The following HACD3 variants were observed in gnomAD, a reference collection of about 807,000 sequenced individuals.
HACD3 encodes the protein 3-hydroxyacyl-CoA dehydratase 3, also known as very-long-chain (3R)-3-hydroxyacyl-CoA dehydratase 3.
HACD3 carries 30 observed loss-of-function variants against 55.2 expected under a neutral mutation model. The ratio of observed to expected loss-of-function variants is 0.54; its 90% confidence interval spans 0.41 to 0.74. The LOEUF (loss-of-function observed/expected upper bound fraction) is 0.74, where lower values mean the gene tolerates loss of function less well. Ranked by LOEUF, HACD3 falls within the 30% of genes least tolerant of loss-of-function variation. The pLI is 0.00. For synonymous variants in HACD3, 141 were observed against 151.7 expected (o/e 0.93, Z 0.52); for missense variants, 363 against 440.1 (o/e 0.82, Z 1.57).
At chr15:65,569,784 A>G (rs1402122278) in intron 7 of HACD3, among the ~76,000 whole-genome samples, 2 of 152,194 alleles carry the variant, frequency 1.3e-5, no homozygotes, top group Admixed American at 6.5e-5. Flanking sequence ...GTAGTGCTCT[A>G]TTTCTTAACT....
chr15:65,537,469 A>G (rs1304774093), intron 1 of HACD3, among the ~76,000 whole-genome samples: 1 of 151,860 alleles, frequency 6.6e-6, no homozygotes, highest in African/African-American at 2.4e-5. Flanking sequence ...CCCCTTTACC[A>G]TTCTGAAAAT....
chr15:65,568,418 G>C (rs1260763028), intron 7 of HACD3, among the ~76,000 whole-genome samples: 1 of 151,546 alleles, frequency 6.6e-6, no homozygotes, highest in South Asian at 2.1e-4. Flanking sequence ...GAGTGCAGTG[G>C]TGTGACCTTG....
chr15:65,555,046 G>T lies in HACD3; in HGVS notation c.204+86G>T, dbSNP rs1360186078. On this transcript the variant is annotated intron_variant, in intron 3 of 10. Coordinates refer to ENST00000261875, the MANE Select transcript of HACD3 (RefSeq NM_016395.4). Reference sequence around the variant, plus strand: ...TGAAATGGGGAGCAGGGTTTGTGGAGAGAAGAAGATAAAAACCAAAGGGGA... The same window carrying T: ...TGAAATGGGGAGCAGGGTTTGTGGATAGAAGAAGATAAAAACCAAAGGGGA... The T allele has an allele frequency of 4.6e-6, 5 of 1,085,638 alleles. No individual in the cohort carries two copies. In the African/African-American group the frequency reaches 7.9e-5, roughly 17 times the overall value. 67.3% of individuals were successfully genotyped at this position (1,085,638 alleles called of 1,614,324 possible). A position where few individuals can be genotyped will look rare whatever the true frequency, so the allele number is the denominator to read the frequency against.
At chr15:65,557,160 G>A (rs1477474957) in intron 4 of HACD3, among the ~76,000 whole-genome samples, 1 of 152,180 alleles carries the variant, frequency 6.6e-6, no homozygotes, top group Non-Finnish European at 1.5e-5. Context: ...GAAGTAAAGT[G>A]CAATTCTTAT....
At chr15:65,561,715 G>A (rs2072246238) in intron 5 of HACD3, among the ~76,000 whole-genome samples, 1 of 152,124 alleles carries the variant, frequency 6.6e-6, no homozygotes, top group African/African-American at 2.4e-5. Flanking sequence ...GACACCAGCT[G>A]GGTGCCCTCT....
chr15:65,570,648 C>G (rs16948832), intron 8 of HACD3, among the ~76,000 whole-genome samples: 1 of 152,038 alleles, frequency 6.6e-6, no homozygotes, highest in Non-Finnish European at 1.5e-5. Context: ...GAAATGGCCT[C>G]TAACCCAATT....
intron 1 of HACD3, among the ~76,000 whole-genome samples, chr15:65,532,750 A>G (rs757675727): frequency 3.9e-5 from 6 of 152,072 alleles, no homozygotes; most frequent in Non-Finnish European, 8.8e-5. Flanking sequence ...TGAGGCACCC[A>G]TATTTCAACT....
At chr15:65,556,394 C>G (rs1022653133) in intron 3 of HACD3, among the ~76,000 whole-genome samples, 5 of 152,156 alleles carry the variant, frequency 3.3e-5, no homozygotes, top group Non-Finnish European at 7.3e-5. Context: ...AGAGTTCACG[C>G]TCCTATGTGA....
At chr15:65,556,960 A>G (rs2072198058) in intron 4 of HACD3, 57 bp downstream of exon 4, 2 of 1,510,170 alleles carry the variant, frequency 1.3e-6, no homozygotes, top group Non-Finnish European at 1.8e-6. Context: ...AACCCACGTT[A>G]TTCAGGCCAC....
chr15:65,564,510 G>C (rs896038742), intron 7 of HACD3, 168 bp downstream of exon 7: 51 of 869,118 alleles, frequency 5.9e-5, no homozygotes, highest in Non-Finnish European at 8.2e-5. Context: ...GGCTGGGAAG[G>C]TCTCACGATC....
At chr15:65,553,972 C>T (rs2072161379) in intron 2 of HACD3, among the ~76,000 whole-genome samples, 1 of 152,196 alleles carries the variant, frequency 6.6e-6, no homozygotes, top group South Asian at 2.1e-4. Flanking sequence ...AACTCAGGTA[C>T]TTCCCTCCTA....
chr15:65,548,924 T>C (rs2072103758), intron 1 of HACD3, among the ~76,000 whole-genome samples: 1 of 152,110 alleles, frequency 6.6e-6, no homozygotes, highest in African/African-American at 2.4e-5. Context: ...CTACTTGCTA[T>C]GTATGTTCCC....
rs757219755 is a variant in HACD3, at chr15:65,570,221, G to GA, written c.773+19dup. ...ATTTTCAGGTGGGTAGAAATGCCAG[G>GA]ATGGTGTTTGAATGCTGCTCCCTGT... is the stretch of plus-strand genomic sequence containing the variant. On this transcript the variant is annotated intron_variant, in intron 8 of 10. Transcript: ENST00000261875. 1.2e-5 allele frequency: 18 copies of GA among 1,533,196 alleles called. No homozygotes were observed. In the African/African-American group the frequency reaches 2.2e-4, roughly 19 times the overall value. The allele number at this position is 1,533,196 out of a possible 1,614,324, so 95.0% of individuals were successfully genotyped here. A position where few individuals can be genotyped will look rare whatever the true frequency, so the allele number is the denominator to read the frequency against.
intron 2 of HACD3, among the ~76,000 whole-genome samples, 195 bp from the exon 3 acceptor site, chr15:65,554,692 A>G (rs914087088): frequency 1.3e-5 from 2 of 151,998 alleles, no homozygotes; most frequent in East Asian, 1.9e-4. Context: ...GGAGAATGGC[A>G]TGAACCCGGG....
At position 65,556,847 on chromosome 15, in the gene HACD3, C is replaced by T. The variant is rs1441683788; in HGVS notation, c.313C>T (p.Pro105Ser). ...KQEKRPLFLA[P>S]DFDRWLDESD... ...GGAAAAGCGACCACTGTTTTTGGCT[C>T]CTGACTTTGATCGTTGGCTGGATGA... Residue 105 changes from proline (P) to serine (S), a missense_variant, in exon 4 of 11, where the codon CCT becomes TCT. Coordinates refer to ENST00000261875, the MANE Select transcript of HACD3 (RefSeq NM_016395.4). 2.5e-6 allele frequency: 4 copies of T among 1,613,114 alleles called. No individual in the cohort carries two copies. Among genetic ancestry groups the T allele is most frequent in the Non-Finnish European group, 3.4e-6 (4 of 1,179,502 alleles).
At chr15:65,533,171 A>C (rs2071919380) in intron 1 of HACD3, among the ~76,000 whole-genome samples, 1 of 152,214 alleles carries the variant, frequency 6.6e-6, no homozygotes, top group African/African-American at 2.4e-5. Flanking sequence ...CCCGTAGTTA[A>C]ACAAGTTGGG....
Position 65,530,572 on chromosome 15 carries a change from A to G in HACD3, c.-60A>G, listed in dbSNP as rs1202370721. ...TGCTTTCTGCTCGCGCCAGCAGAGC[A>G]CTACCTGAGGCAGCGAGGCGCAGCG... On this transcript the variant is annotated 5_prime_UTR_variant, in exon 1 of 11. Transcript: ENST00000261875. The G allele has an allele frequency of 2.7e-6, 4 of 1,463,332 alleles. No homozygotes were observed. Among genetic ancestry groups the G allele is most frequent in the Admixed American group, 2.0e-5 (1 of 49,434 alleles). 90.6% of individuals were successfully genotyped at this position (1,463,332 alleles called of 1,614,324 possible).
chr15:65,568,503 C>T (rs574572601), intron 7 of HACD3, among the ~76,000 whole-genome samples: 12 of 151,828 alleles, frequency 7.9e-5, no homozygotes, highest in Admixed American at 7.9e-4. Flanking sequence ...GGACTACAGG[C>T]ATCTGCCACC....
At chr15:65,549,771 C>T (rs1432571580) in intron 1 of HACD3, among the ~76,000 whole-genome samples, 3 of 152,154 alleles carry the variant, frequency 2.0e-5, no homozygotes. Flanking sequence ...TAACACTTAG[C>T]TAAGTATTAA....
Sources: allele counts gnomAD v4.1 joint callset (sites outside exome capture counted in the v4.1 genomes callset), GRCh38; gene constraint gnomAD v4.1.1; transcripts MANE v1.5; gene names NCBI Gene and HGNC (gene_info 2026-07-23, HGNC 2026-07-21).